The following NAALADL2 variants were observed in gnomAD, a reference collection of about 807,000 sequenced individuals.
NAALADL2 encodes the protein inactive N-acetylated-alpha-linked acidic dipeptidase-like protein 2.
A neutral mutation model predicts 87.2 loss-of-function variants in NAALADL2; 76 were observed. The ratio of observed to expected loss-of-function variants is 0.87; its 90% CI spans 0.72 to 1.05. The LOEUF (loss-of-function observed/expected upper bound fraction) is 1.05, where lower values mean the gene tolerates loss of function less well. Among genes scored for constraint, NAALADL2 ranks in the 50% least tolerant of loss-of-function variants. The pLI is 0.00. For missense variants in NAALADL2, 1,089 were observed against 945.8 expected (o/e 1.15, Z -1.99); for synonymous variants, 354 against 331.0 (o/e 1.07, Z -0.75).
chr3:175,107,058 G>A (rs1294311436), intron 2 of NAALADL2, among the ~76,000 whole-genome samples: 1 of 151,934 alleles, frequency 6.6e-6, no homozygotes, highest in Non-Finnish European at 1.5e-5. Context: ...TCCCCATCCT[G>A]GGAAACTATC....
At chr3:175,453,439 G>C (rs114364090) in intron 6 of NAALADL2, among the ~76,000 whole-genome samples, 6 of 151,968 alleles carry the variant, frequency 3.9e-5, no homozygotes, top group Admixed American at 3.9e-4. Context: ...AAGTTGTAAA[G>C]GCCCATTACC....
chr3:175,499,058 A>G (rs1296315081), intron 9 of NAALADL2, among the ~76,000 whole-genome samples: 1 of 152,068 alleles, frequency 6.6e-6, no homozygotes, highest in Non-Finnish European at 1.5e-5. Context: ...GCTACTCTAC[A>G]TACTTATTAT....
rs147674364 is a variant in NAALADL2 at position 174,759,026 on chromosome 3, T to C, written c.-9+21280T>C. ...CAGCAAACATTCTATCTAGTTAAGATTGAAGTAGTTTCATCTACATACTTT... is the reference window on the plus strand; with the variant it reads ...CAGCAAACATTCTATCTAGTTAAGACTGAAGTAGTTTCATCTACATACTTT... On this transcript the variant is annotated intron_variant, in intron 3 of 3. Transcript: ENST00000434257. Among the ~76,000 whole-genome samples the C allele has an allele frequency of 9.0e-4, 137 of 152,344 alleles. 1 individual carries two copies. Among genetic ancestry groups the C allele is most frequent in the African/African-American group, 3.2e-3 (131 of 41,582 alleles).
intron 9 of NAALADL2, among the ~76,000 whole-genome samples, chr3:175,486,757 G>A (rs1048696281): frequency 1.3e-5 from 2 of 151,968 alleles, no homozygotes; most frequent in African/African-American, 2.4e-5. Flanking sequence ...TCTTCTGTGC[G>A]ATATCAGGCA....
At chr3:175,136,425 A>G (rs1729123927) in intron 2 of NAALADL2, among the ~76,000 whole-genome samples, 1 of 152,228 alleles carries the variant, frequency 6.6e-6, no homozygotes, top group Non-Finnish European at 1.5e-5. Flanking sequence ...ACTTTCTCCA[A>G]GAAGGACGGG....
intron 4 of NAALADL2, among the ~76,000 whole-genome samples, chr3:175,319,585 C>T (rs931482975): frequency 2.6e-5 from 4 of 152,056 alleles, no homozygotes; most frequent in Non-Finnish European, 5.9e-5. Flanking sequence ...TTCGGGAGGC[C>T]GAGTCGGCAA....
chr3:175,527,521 T>C (rs1315342425), intron 9 of NAALADL2, among the ~76,000 whole-genome samples: 3 of 152,104 alleles, frequency 2.0e-5, no homozygotes, highest in African/African-American at 7.2e-5. Flanking sequence ...ACCAATAAAA[T>C]AGATGATCCT....
chr3:174,759,160 G>T (rs572809560), intron 3 of NAALADL2, among the ~76,000 whole-genome samples: 1 of 152,200 alleles, frequency 6.6e-6, no homozygotes, highest in African/African-American at 2.4e-5. Flanking sequence ...GTGTATTTTG[G>T]CAGCTGGAAT....
intron 2 of NAALADL2, among the ~76,000 whole-genome samples, chr3:175,195,290 T>C (rs897336454): frequency 1.3e-5 from 2 of 151,802 alleles, no homozygotes; most frequent in Non-Finnish European, 3.0e-5. Context: ...AATCCCCTGA[T>C]TTTACAACAC....
At chr3:174,752,135 G>T (rs949578961) in intron 3 of NAALADL2, among the ~76,000 whole-genome samples, 1 of 151,886 alleles carries the variant, frequency 6.6e-6, no homozygotes, top group African/African-American at 2.4e-5. Flanking sequence ...CCGCCACCAT[G>T]CCCGGCTATT....
chr3:174,561,226 A>T (rs1578174168), intron 2 of NAALADL2, among the ~76,000 whole-genome samples: 2 of 140,824 alleles, frequency 1.4e-5, no homozygotes, highest in East Asian at 4.3e-4. Flanking sequence ...TTTTGGAAAG[A>T]GTCTCGCTCT....
chr3:174,657,182 A>G (rs1043902895), intron 2 of NAALADL2, among the ~76,000 whole-genome samples: 3 of 151,234 alleles, frequency 2.0e-5, no homozygotes, highest in African/African-American at 7.3e-5. Flanking sequence ...GGCACATGCC[A>G]CCACCGGCCA....
At chr3:174,802,555 CA>C (rs1718967161) in intron 3 of NAALADL2, among the ~76,000 whole-genome samples, 3 of 152,116 alleles carry the variant, frequency 2.0e-5, no homozygotes, top group Admixed American at 6.6e-5. Context: ...CATAGGTATA[CA>C]TGTGCCATGT....
At chr3:175,387,045 A>G (rs536911820) in intron 5 of NAALADL2, among the ~76,000 whole-genome samples, 2 of 152,170 alleles carry the variant, frequency 1.3e-5, no homozygotes, top group Non-Finnish European at 2.9e-5. Context: ...TGAGTGTTAT[A>G]TCTGTCAAAC....
At chr3:175,361,174 A>G (rs1764965400) in intron 5 of NAALADL2, among the ~76,000 whole-genome samples, 1 of 152,084 alleles carries the variant, frequency 6.6e-6, no homozygotes, top group African/African-American at 2.4e-5. Flanking sequence ...CAGTTCATCC[A>G]TGTCCCTACG....
At chr3:175,482,089 C>CT (rs1201771950) in intron 9 of NAALADL2, among the ~76,000 whole-genome samples, 2 of 151,788 alleles carry the variant, frequency 1.3e-5, no homozygotes, top group African/African-American at 4.8e-5. Flanking sequence ...AAGTTATTCA[C>CT]TTTTCAATAA....
intron 13 of NAALADL2, among the ~76,000 whole-genome samples, chr3:175,771,695 T>C (rs1413156343): frequency 6.6e-6 from 1 of 152,186 alleles, no homozygotes; most frequent in African/African-American, 2.4e-5. Context: ...AGACTTGTGA[T>C]TGGATTTAGG....
In NAALADL2 at chr3:174,925,068, C is replaced by A. The variant is rs189443068; in HGVS notation, c.43+65618C>A. Among the ~76,000 whole-genome samples, 355 of 152,114 alleles carry A rather than the reference C, an allele frequency of 2.3e-3. 2 individuals are homozygous for A. Among genetic ancestry groups the A allele is most frequent in the African/African-American group, 7.8e-3 (325 of 41,528 alleles). On this transcript the variant is annotated intron_variant, in intron 1 of 13. Coordinates refer to ENST00000454872, the MANE Select transcript of NAALADL2 (RefSeq NM_207015.3). ...TTCTTTTGCTGTGTGTAAGCTCTTT[C>A]GTTTAATTAGATCCCATTTGTCAAT...
chr3:175,195,350 A>G (rs1409799913), intron 2 of NAALADL2, among the ~76,000 whole-genome samples: 2 of 151,874 alleles, frequency 1.3e-5, no homozygotes, highest in Admixed American at 6.6e-5. Flanking sequence ...ATGAGTTAAT[A>G]TATCATATGT....
Sources: gnomAD v4.1 joint callset for allele counts (sites outside exome capture counted in the v4.1 genomes callset) on GRCh38, gnomAD v4.1.1 for gene constraint, MANE v1.5 for transcripts, NCBI Gene and HGNC (gene_info 2026-07-23, HGNC 2026-07-21) for gene names.